Variants in CEP44 observed in about 807,000 individuals in gnomAD.
CEP44 encodes centrosomal protein of 44 kDa.
Under a neutral mutation model 46.7 loss-of-function variants are expected in CEP44, and 45 were observed. The ratio of observed to expected loss-of-function variants is 0.96; its 90% confidence interval spans 0.76 to 1.24. CEP44 has a LOEUF of 1.24. Among genes scored for constraint, CEP44 ranks in the 50% most tolerant of loss-of-function variants. The probability of loss-of-function intolerance (pLI) is 0.00; values close to 1 mark genes in which losing one functional copy is unlikely to be tolerated. For synonymous variants in CEP44, 142 were observed against 146.0 expected, an observed-to-expected ratio of 0.97 and a Z score of 0.20; for missense variants, 475 against 459.7, an observed-to-expected ratio of 1.03 and a Z score of -0.30.
rs1742635471 is a variant in CEP44, at chr4:174,325,956, G to T, written c.1087-5526G>T. Among the ~76,000 whole-genome samples, 1 of 151,936 alleles carries T rather than the reference G, an allele frequency of 6.6e-6. No individual in the cohort carries two copies. The highest frequency in any genetic ancestry group is 1.5e-5 in the Non-Finnish European group (1 of 67,980). On this transcript the variant is annotated intron_variant, in intron 8 of 8. Coordinates refer to the CEP44 transcript ENST00000426172. This position sits in a 1 kb window ranked among gnomAD's most constrained non-coding sequence, Gnocchi z 4.4. ...ATCTTTTTACTTTTAATGTATCTGA[G>T]TCTGTGCATTTAAAGTGGGTTTCCT... is the stretch of plus-strand genomic sequence containing the variant.
chr4:174,300,337 A>G (rs1283491411), intron 3 of CEP44, among the ~76,000 whole-genome samples: 1 of 152,126 alleles, frequency 6.6e-6, no homozygotes, highest in Non-Finnish European at 1.5e-5. Context: ...AAGATATGAA[A>G]CAGATGTAAT....
At chr4:174,332,260 A>G (rs1579188325) in exon 9 of CEP44, 1 of 152,222 alleles carries the variant, frequency 6.6e-6, no homozygotes, top group African/African-American at 2.4e-5. Context: ...ATACAGCAAT[A>G]TGAAGAAAAA....
In CEP44 at chr4:174,318,112, G is replaced by C; in HGVS notation, c.*729G>C. ...GAGTTTCGCTGTTGTTGCCCAGGCT[G>C]GAGTGCAATAGCACGATCTTGGCTC... is the stretch of plus-strand genomic sequence containing the variant. On this transcript the variant is annotated 3_prime_UTR_variant, in exon 12 of 12. Coordinates refer to ENST00000503780, the MANE Select transcript of CEP44 (RefSeq NM_001040157.3). 5.2e-6 allele frequency: 5 copies of C among 964,086 alleles called. No individual in the cohort carries two copies. Among genetic ancestry groups the C allele is most frequent in the Non-Finnish European group, 4.9e-6 (4 of 810,590 alleles). 59.7% of individuals were successfully genotyped at this position (964,086 alleles called of 1,614,324 possible). A position where few individuals can be genotyped will look rare whatever the true frequency, so the allele number is the denominator to read the frequency against.
rs1579054625 is a variant in CEP44 at position 174,286,295 on chromosome 4, T to C, written c.-148+2352T>C. The stretch of plus-strand genomic sequence containing the variant: ...TCGGTGACCTTCTTACCTTTCCTTA[T>C]TTAAAGATAGAGAAACGGTGTGTAA... On this transcript the variant is annotated intron_variant, in intron 1 of 11. Transcript: ENST00000503780. This position sits in a 1 kb window ranked among gnomAD's most constrained non-coding sequence, Gnocchi z 5.2. 6.6e-6 allele frequency among the ~76,000 whole-genome samples: 1 copy of C among 152,212 alleles called. No homozygotes were observed. Among genetic ancestry groups the C allele is most frequent in the East Asian group, 1.9e-4 (1 of 5,194 alleles).
intron 7 of CEP44, 78 bp downstream of exon 7, chr4:174,308,937 T>C: frequency 7.9e-7 from 1 of 1,263,240 alleles, no homozygotes; most frequent in Non-Finnish European, 1.1e-6. Flanking sequence ...CTCTAAACTT[T>C]GGAATATTTC....
intron 1 of CEP44, among the ~76,000 whole-genome samples, chr4:174,291,719 C>G (rs1738216448): frequency 6.7e-6 from 1 of 148,924 alleles, no homozygotes; most frequent in Non-Finnish European, 1.5e-5. Flanking sequence ...CTAAAAGTGA[C>G]AAACTCCCTG....
In CEP44 at chr4:174,295,089, C is replaced by A. The variant is rs1738792827; in HGVS notation, c.-147-2877C>A. ...TGGCCGGGCGGGGGGCTGATCCCCCCACCTCCCTCCCGGACGGGGCGGCTG... is the reference window on the plus strand; with the variant it reads ...TGGCCGGGCGGGGGGCTGATCCCCCAACCTCCCTCCCGGACGGGGCGGCTG... On this transcript the variant is annotated intron_variant, in intron 1 of 11. Transcript: ENST00000503780. 4.0e-5 allele frequency among the ~76,000 whole-genome samples: 6 copies of A among 151,016 alleles called. No individual in the cohort carries two copies. The South Asian group carries it at 1.0e-3, about 26-fold the overall frequency.
Position 174,331,702 on chromosome 4 carries a change from C to A in CEP44, c.*107C>A. The A allele has an allele frequency of 1.4e-6, 2 of 1,398,578 alleles. No individual in the cohort carries two copies. The highest frequency in any genetic ancestry group is 1.5e-5 in the South Asian group (1 of 64,586). The allele number at this position is 1,398,578 out of a possible 1,614,324, so 86.6% of individuals were successfully genotyped here. On this transcript the variant is annotated 3_prime_UTR_variant, in exon 9 of 9. Transcript: ENST00000426172. The surrounding 1 kb of genome is among the most constrained non-coding windows in gnomAD (Gnocchi z 4.5). Reference sequence around the variant, plus strand: ...TCTGCCTGGAAACCAGCTTCCTCCTCAGCTCCAGCTCTTTTAATGGGCATA... The same window carrying A: ...TCTGCCTGGAAACCAGCTTCCTCCTAAGCTCCAGCTCTTTTAATGGGCATA...
intron 5 of CEP44, 48 bp downstream of exon 5, chr4:174,303,897 G>A: frequency 8.0e-7 from 1 of 1,242,468 alleles, no homozygotes. Flanking sequence ...ATTAATAGAT[G>A]GCTCAGTATT....
At chr4:174,284,072 A>G (rs116495051) in intron 1 of CEP44, 129 bp downstream of exon 1, 1 of 398,934 alleles carries the variant, frequency 2.5e-6, no homozygotes. Context: ...GTATGGTTGC[A>G]TATGCTCCGT....
At chr4:174,283,821 G>A (rs541990114), upstream of CEP44, 2 of 398,768 alleles carry the variant, frequency 5.0e-6, no homozygotes, top group African/African-American at 2.1e-5. The surrounding 1 kb of genome is among the most constrained non-coding windows in gnomAD (Gnocchi z 6.7). Context: ...GTTAGAAGTG[G>A]ACTGGCCATT....
chr4:174,316,508 T>A (rs762592463), intron 10 of CEP44, 22 bp from the exon 11 acceptor site: 7 of 1,566,906 alleles, frequency 4.5e-6, no homozygotes, highest in Non-Finnish European at 6.1e-6. Flanking sequence ...ATCATCTAAA[T>A]TTGTTGCTTT....
downstream of CEP44, among the ~76,000 whole-genome samples, chr4:174,320,892 A>G (rs1410162088): frequency 8.6e-6 from 1 of 116,090 alleles, no homozygotes; most frequent in Admixed American, 7.7e-5. Context: ...GTGGGAGACT[A>G]TTACAGTAAT....
rs78585471 is a variant in CEP44, at chr4:174,304,329, T to C, written c.467T>C (p.Val156Ala). 1.2e-6 allele frequency: 2 copies of C among 1,612,072 alleles called. No homozygotes were observed. The stretch of plus-strand genomic sequence containing the variant: ...AATGAGAAAATATCTGCAGAGGCTG[T>C]TGGCGTTGATATCAGTGGCAGGTTT... ...LGNEKISAEA[V>A]GVDISGRFMT... Residue 156 changes from valine (V) to alanine (A), a missense_variant, in exon 6 of 12, where the codon GTT (valine) becomes GCT (alanine). Transcript: ENST00000503780.
intron 1 of CEP44, among the ~76,000 whole-genome samples, chr4:174,289,588 G>A (rs1423865801): frequency 6.6e-6 from 1 of 151,542 alleles, no homozygotes; most frequent in Admixed American, 6.6e-5. Flanking sequence ...GGGATCAATT[G>A]TGTCCTCTTT....
At chr4:174,316,065 A>C in intron 9 of CEP44, 101 bp from the exon 10 acceptor site, 1 of 1,403,736 alleles carries the variant, frequency 7.1e-7, no homozygotes, top group South Asian at 1.3e-5. Context: ...AGCCATTTTT[A>C]ATTAAAATAG....
rs1738080498 is a variant in CEP44, at chr4:174,290,565, A to AGT, written c.-148+6625_-148+6626dup. ...TATGCATGTTAGGTCTTTGGTCTAT[A>AGT]GTGTTGTATAGTTTGCAATTTACTT... On this transcript the variant is annotated intron_variant, in intron 1 of 11. Transcript: ENST00000503780. The surrounding 1 kb of genome is among the most constrained non-coding windows in gnomAD (Gnocchi z 4.3). Among the ~76,000 whole-genome samples the AGT allele has an allele frequency of 6.6e-6, 1 of 151,878 alleles. No homozygotes were observed. The highest frequency in any genetic ancestry group is 1.5e-5 in the Non-Finnish European group (1 of 67,900).
At chr4:174,330,358 G>A (rs933964349) in intron 8 of CEP44, among the ~76,000 whole-genome samples, 8 of 151,854 alleles carry the variant, frequency 5.3e-5, no homozygotes, top group Admixed American at 2.0e-4. Context: ...GCATGGTGGC[G>A]CGTGCCTGTA....
At position 174,311,589 on chromosome 4, in the gene CEP44, T is replaced by C. The variant is rs1429558696; in HGVS notation, c.961+731T>C. Among the ~76,000 whole-genome samples, 1 of 152,174 alleles carries C rather than the reference T, an allele frequency of 6.6e-6. No homozygotes were observed. The highest frequency in any genetic ancestry group is 6.6e-5 in the Admixed American group (1 of 15,262). ...TTCAGCTCTACTATATGTGTAACAA[T>C]AAAATAATATATATTCTAGCACTAA... On this transcript the variant is annotated intron_variant, in intron 9 of 11. Coordinates refer to ENST00000503780, the MANE Select transcript of CEP44 (RefSeq NM_001040157.3). The surrounding 1 kb of genome is among the most constrained non-coding windows in gnomAD (Gnocchi z 4.4).
Sources: allele counts gnomAD v4.1 joint callset (sites outside exome capture counted in the v4.1 genomes callset), GRCh38; gene constraint gnomAD v4.1.1; non-coding constraint Gnocchi (gnomAD v3.1); transcripts MANE v1.5; gene names NCBI Gene and HGNC (gene_info 2026-07-23, HGNC 2026-07-21).